The following IFT122 variants were observed in gnomAD, a reference collection of about 807,000 sequenced individuals.
IFT122 encodes the protein intraflagellar transport protein 122 homolog.
Under a neutral mutation model 161.6 loss-of-function variants are expected in IFT122, and 118 were observed. That is an observed-to-expected ratio of 0.73 (90% CI 0.63 to 0.85). IFT122 has a LOEUF of 0.85. Ranked by LOEUF, IFT122 falls within the 40% of genes least tolerant of loss-of-function variation. IFT122 has a pLI of 0.00. For missense variants in IFT122, 1,381 were observed against 1,579.6 expected, an observed-to-expected ratio of 0.87 and a Z score of 2.13; for synonymous variants, 550 against 602.4, an observed-to-expected ratio of 0.91 and a Z score of 1.27.
chr3:129,506,415 A>T lies in IFT122; in HGVS notation c.2657A>T (p.His886Leu). Reference protein sequence around the residue: ...DRFEEAQKAFHKAGRQREAVQ... With the variant: ...DRFEEAQKAFLKAGRQREAVQ... The stretch of plus-strand genomic sequence containing the variant: ...CCCTCCACCACTCCTACAGCGTTCC[A>T]CAAGGCTGGGCGACAGAGAGAAGCG... The change falls in exon 22 of 30, where the codon CAC becomes CTC. Residue 886 changes from histidine to leucine, a missense_variant. By Grantham distance (99) the His-to-Leu change is moderately conservative. Around this residue, in one of 7 missense-constraint regions of IFT122, gnomAD observed 496 missense variants for 502.5 expected, o/e 0.99. Transcript: ENST00000348417. The T allele has an allele frequency of 6.2e-7, 1 of 1,613,996 alleles. No homozygotes were observed. The highest frequency in any genetic ancestry group is 8.5e-7 in the Non-Finnish European group (1 of 1,180,016).
chr3:129,443,504 C>T (rs1239290581), intron 1 of IFT122, among the ~76,000 whole-genome samples: 4 of 152,224 alleles, frequency 2.6e-5, no homozygotes, highest in African/African-American at 9.6e-5. Context: ...AATTCTTGCC[C>T]TGATGGGCCA....
intron 21 of IFT122, 134 bp from the exon 22 acceptor site, chr3:129,506,275 G>A (rs2082179622): frequency 1.0e-5 from 10 of 972,318 alleles, no homozygotes; most frequent in Non-Finnish European, 1.6e-5. Flanking sequence ...TCCCAGCAAC[G>A]AAGCACTGCA....
At chr3:129,474,860 G>A (rs556141264) in intron 9 of IFT122, among the ~76,000 whole-genome samples, 3 of 152,168 alleles carry the variant, frequency 2.0e-5, no homozygotes, top group South Asian at 4.1e-4. Context: ...TATATAAAGA[G>A]CTATAAAGAC....
At chr3:129,453,890 C>T (rs994110490) in intron 3 of IFT122, among the ~76,000 whole-genome samples, 2 of 152,106 alleles carry the variant, frequency 1.3e-5, no homozygotes, top group African/African-American at 4.8e-5. Flanking sequence ...GAGTTCCAAC[C>T]CCAACCCAAC....
At chr3:129,491,686 G>C (rs965383602) in intron 16 of IFT122, among the ~76,000 whole-genome samples, 49 of 152,068 alleles carry the variant, frequency 3.2e-4, no homozygotes, top group African/African-American at 1.2e-3. Context: ...TGTGTCTGTG[G>C]CACCACTGGG....
chr3:129,458,440 T>C (rs1310950041), intron 3 of IFT122, among the ~76,000 whole-genome samples, 159 bp from the exon 4 acceptor site: 1 of 152,184 alleles, frequency 6.6e-6, no homozygotes, highest in African/African-American at 2.4e-5. Flanking sequence ...GGAACCCAAA[T>C]ATTCTGACTC....
intron 24 of IFT122, chr3:129,513,766 G>T: frequency 5.2e-6 from 1 of 192,218 alleles, no homozygotes. Context: ...GGAACACTGG[G>T]AGAGATGCGG....
chr3:129,449,141 TC>T (rs1559835884), intron 1 of IFT122, among the ~76,000 whole-genome samples: 1 of 152,232 alleles, frequency 6.6e-6, no homozygotes, highest in African/African-American at 2.4e-5. Context: ...ATAATTTCTT[TC>T]TAGCTCCTGT....
intron 24 of IFT122, 173 bp from the exon 25 acceptor site, chr3:129,514,215 TC>T (rs1464730618): frequency 5.4e-6 from 4 of 737,720 alleles, no homozygotes; most frequent in Admixed American, 2.0e-5. Context: ...GGCCTTGCCA[TC>T]CGAGAAGTAC....
rs972540595 is a variant in IFT122, at chr3:129,483,752, C to T, written c.1851+70C>T. The T allele has an allele frequency of 2.8e-6, 4 of 1,408,612 alleles. No homozygotes were observed. The African/African-American group carries it at 4.3e-5, about 15-fold the overall frequency. The allele number at this position is 1,408,612 out of a possible 1,614,324, so 87.3% of individuals were successfully genotyped here. ...AAGACCAGGGAAGCTGGGCCCTTTG[C>T]TGGTGCTTTGGGGAGAGAGTAGCAA... On this transcript the variant is annotated intron_variant, in intron 15 of 29. Transcript: ENST00000348417.
chr3:129,515,346 G>C, intron 25 of IFT122, 142 bp from the exon 26 acceptor site: 1 of 725,286 alleles, frequency 1.4e-6, no homozygotes, highest in Non-Finnish European at 2.5e-6. Flanking sequence ...TGGAGCTCCT[G>C]GGCCCGGCGC....
chr3:129,483,573 G>C lies in IFT122; in HGVS notation c.1742G>C (p.Ser581Thr), dbSNP rs1371409643. Residue 581 changes from serine (S) to threonine (T), a missense_variant, in exon 15 of 30, where the codon AGC (serine) becomes ACC (threonine). Ser to Thr is a moderately conservative substitution (Grantham distance 58). Transcript: ENST00000348417. ...SGGGYLNIKASTFPVHRQKLQ... is the reference protein window; with the variant it reads ...SGGGYLNIKATTFPVHRQKLQ... Reference sequence around the variant, plus strand: ...GGAGGCTACCTCAACATCAAAGCCAGCACCTTCCCTGTGCACCGGCAGAAG... The same window carrying C: ...GGAGGCTACCTCAACATCAAAGCCACCACCTTCCCTGTGCACCGGCAGAAG... 1 of 1,614,160 alleles carries C rather than the reference G, an allele frequency of 6.2e-7. No individual in the cohort carries two copies. Among genetic ancestry groups the C allele is most frequent in the Non-Finnish European group, 8.5e-7 (1 of 1,180,034 alleles).
At chr3:129,511,059 G>A (rs1238511196) in intron 23 of IFT122, among the ~76,000 whole-genome samples, 1 of 152,180 alleles carries the variant, frequency 6.6e-6, no homozygotes, top group Non-Finnish European at 1.5e-5. Context: ...CAAAGGCCTG[G>A]AGGTGAGTGG....
intron 3 of IFT122, among the ~76,000 whole-genome samples, chr3:129,452,859 C>T (rs111691596): frequency 7.6e-4 from 116 of 152,214 alleles, no homozygotes; most frequent in Middle Eastern, 6.8e-3. Context: ...GTGATGGTGG[C>T]TCAGACCTCT....
chr3:129,450,655 A>G (rs1310156952), intron 2 of IFT122, among the ~76,000 whole-genome samples: 1 of 150,694 alleles, frequency 6.6e-6, no homozygotes, highest in Non-Finnish European at 1.5e-5. Flanking sequence ...ATCTTTTCCA[A>G]TACTCTAACC....
intron 11 of IFT122, 75 bp downstream of exon 11, chr3:129,476,876 A>G: frequency 6.3e-7 from 1 of 1,580,248 alleles, no homozygotes; most frequent in South Asian, 1.1e-5. Flanking sequence ...AGGGCACTTG[A>G]AATGACAGGA....
Position 129,506,478 on chromosome 3 carries a change from C to A in IFT122, c.2720C>A (p.Ala907Glu). The A allele has an allele frequency of 6.2e-7, 1 of 1,614,184 alleles. No homozygotes were observed. Among genetic ancestry groups the A allele is most frequent in the Non-Finnish European group, 8.5e-7 (1 of 1,180,030 alleles). The change falls in exon 22 of 30, where the codon GCG becomes GAG. Residue 907 changes from alanine to glutamate, a missense_variant. By Grantham distance (107) the Ala-to-Glu change is moderately radical. This residue lies in a region of IFT122 where 496 missense variants were observed against 502.5 expected (regional missense o/e 0.99). Transcript: ENST00000348417. The part of the protein sequence containing the change: ...VLEQLTNNAV[A>E]ESRFNDAAYY... ...GAGCAGCTCACAAACAATGCCGTGGCGGAGAGCAGGTTTAATGATGCTGCC... is the reference window on the plus strand; with the variant it reads ...GAGCAGCTCACAAACAATGCCGTGGAGGAGAGCAGGTTTAATGATGCTGCC...
chr3:129,475,930 G>T (rs1395881860), intron 9 of IFT122, among the ~76,000 whole-genome samples: 4 of 152,232 alleles, frequency 2.6e-5, no homozygotes, highest in Non-Finnish European at 5.9e-5. Context: ...AAAAGGCGGA[G>T]AAAAGAAGCT....
chr3:129,479,255 CAAAAAAAA>C lies in IFT122; in HGVS notation c.1351-513_1351-506del, dbSNP rs547629384. 5.5e-3 allele frequency among the ~76,000 whole-genome samples: 445 copies of C among 81,414 alleles called. 2 individuals are homozygous for C. Among genetic ancestry groups the C allele is most frequent in the African/African-American group, 0.018 (415 of 23,136 alleles). The allele number at this position is 81,414 out of a possible 152,430, so 53.4% of individuals were successfully genotyped here. ...TAGAAAACAGAGACCCCATCTCCAC[CAAAAAAAA>C]AAAAAAAAAAAAAAAATTATTTAAT... On this transcript the variant is annotated intron_variant, in intron 12 of 29. Transcript: ENST00000348417.
Sources: gnomAD v4.1 joint callset for allele counts (sites outside exome capture counted in the v4.1 genomes callset) on GRCh38, gnomAD v4.1.1 for gene constraint, gnomAD v4.1.1 regional missense constraint, MANE v1.5 for transcripts, NCBI Gene and HGNC (gene_info 2026-07-23, HGNC 2026-07-21) for gene names.